The following UTY variants were observed in gnomAD, a reference collection of about 807,000 sequenced individuals.
UTY encodes the protein histone demethylase UTY.
In UTY, 12 loss-of-function variants were observed where a neutral mutation model predicts 32.5. The observed-to-expected ratio is 0.37, with a 90% CI of 0.24 to 0.60. UTY has a LOEUF of 0.60. Among genes scored for constraint, UTY ranks in the 20% least tolerant of loss-of-function variants. The pLI is 0.69. For missense variants in UTY, 303 were observed against 299.2 expected (o/e 1.01, Z -0.09); for synonymous variants, 131 against 103.4 (o/e 1.27, Z -1.62).
intron 21 of UTY, among the ~76,000 whole-genome samples, chrY:13,311,278 T>C: frequency 6.2e-5 from 2 of 32,257 alleles, no homozygotes; most frequent in African/African-American, 1.2e-4. Context: ...CCTACAACTG[T>C]TAATCTTCAA....
intron 20 of UTY, among the ~76,000 whole-genome samples, chrY:13,324,169 C>A: frequency 3.1e-5 from 1 of 32,160 alleles, no homozygotes; most frequent in Non-Finnish European, 7.6e-5. Flanking sequence ...AAAGATCAGA[C>A]AAAACCTGAC....
chrY:13,374,646 G>A, intron 8 of UTY, among the ~76,000 whole-genome samples: 1 of 33,125 alleles, frequency 3.0e-5, no homozygotes, highest in African/African-American at 1.2e-4. Flanking sequence ...TAATACTTAA[G>A]ACTCATCTTA....
chrY:13,402,033 T>C (rs2069191872), intron 6 of UTY, among the ~76,000 whole-genome samples: 1 of 33,576 alleles, frequency 3.0e-5, no homozygotes. Context: ...ACTTGGATGC[T>C]ACGGTAAAAT....
intron 27 of UTY, among the ~76,000 whole-genome samples, chrY:13,285,703 T>G (rs1014109280): frequency 4.7e-4 from 16 of 33,954 alleles, no homozygotes; most frequent in Non-Finnish European, 9.6e-4. Flanking sequence ...AACAACTAGA[T>G]AGGGTTTCCA....
At chrY:13,451,216 T>A in intron 3 of UTY, among the ~76,000 whole-genome samples, 1 of 33,495 alleles carries the variant, frequency 3.0e-5, no homozygotes, top group African/African-American at 1.2e-4. Context: ...ACATGTAGAT[T>A]TTTACAGTTA....
chrY:13,402,328 C>T, intron 6 of UTY, among the ~76,000 whole-genome samples: 1 of 33,231 alleles, frequency 3.0e-5, no homozygotes, highest in Non-Finnish European at 7.4e-5. Context: ...CTAGAGTCAC[C>T]CAATCCTCAA....
intron 4 of UTY, among the ~76,000 whole-genome samples, chrY:13,426,803 A>G (rs2073349590): frequency 3.0e-5 from 1 of 33,048 alleles, no homozygotes; most frequent in Non-Finnish European, 7.5e-5. Flanking sequence ...TTCAAATACC[A>G]AAACTGTCTT....
chrY:13,239,105 T>C, intron 28 of UTY, among the ~76,000 whole-genome samples: 3 of 33,096 alleles, frequency 9.1e-5, no homozygotes. Context: ...AGTTCATGAA[T>C]GAGAAGTATA....
chrY:13,249,117 T>A lies in UTY; in HGVS notation c.*739A>T, dbSNP rs2148332292. The A allele has an allele frequency of 2.5e-5, 1 of 39,260 alleles. No individual in the cohort carries two copies. The highest frequency in any genetic ancestry group is 6.1e-4 in the South Asian group (1 of 1,638). The allele number at this position is 39,260 out of a possible 400,897, so 9.8% of individuals were successfully genotyped here. On this transcript the variant is annotated 3_prime_UTR_variant, in exon 30 of 30. Coordinates refer to ENST00000545955, the MANE Select transcript of UTY (RefSeq NM_001258249.2). ...TTTTATCTACACATATAAAATGTAATAGGAGTAGTGTTTAAAACTACAGAA... is the reference window on the plus strand; with the variant it reads ...TTTTATCTACACATATAAAATGTAAAAGGAGTAGTGTTTAAAACTACAGAA...
At chrY:13,262,493 C>T in intron 27 of UTY, among the ~76,000 whole-genome samples, 1 of 31,856 alleles carries the variant, frequency 3.1e-5, no homozygotes, top group Admixed American at 2.9e-4. Flanking sequence ...AAGATAAAAT[C>T]CTTGGGGCTA....
chrY:13,301,465 C>A (rs2058370149), intron 25 of UTY, among the ~76,000 whole-genome samples: 2 of 33,243 alleles, frequency 6.0e-5, no homozygotes, highest in Non-Finnish European at 1.5e-4. Context: ...AAGAGGACTG[C>A]AAAGTTTTTG....
At chrY:13,436,029 TGAGGAAAG>T (rs2074519372) in intron 4 of UTY, among the ~76,000 whole-genome samples, 1 of 32,038 alleles carries the variant, frequency 3.1e-5, no homozygotes, top group Non-Finnish European at 7.7e-5. Flanking sequence ...ATGGGGGCGG[TGAGGAAAG>T]GACCTCACCA....
chrY:13,390,885 A>G (rs963870792), intron 8 of UTY, among the ~76,000 whole-genome samples: 1 of 33,797 alleles, frequency 3.0e-5, no homozygotes, highest in Non-Finnish European at 7.4e-5. Flanking sequence ...CGTAGTTGAC[A>G]GTCTTTCATT....
At chrY:13,438,168 G>A (rs2074834495) in intron 4 of UTY, among the ~76,000 whole-genome samples, 1 of 32,342 alleles carries the variant, frequency 3.1e-5, no homozygotes, top group Non-Finnish European at 7.5e-5. Flanking sequence ...GCTACAAAGG[G>A]GGTTAAGAAA....
At chrY:13,269,494 T>C in intron 27 of UTY, among the ~76,000 whole-genome samples, 2 of 31,014 alleles carry the variant, frequency 6.4e-5, no homozygotes, top group African/African-American at 1.3e-4. Flanking sequence ...TCAGCCCCCT[T>C]TCCAGGGGAT....
chrY:13,356,002 C>T lies in UTY; in HGVS notation c.1586G>A (p.Arg529Gln). ...PQKLQHLEQL[R>Q]ANRDNLNPAQ... ...TGGATTTAAATTATCTCTATTTGCTCGCAGTTGTTCCAAGTGCTAGAAGAA... is the reference window on the plus strand; with the variant it reads ...TGGATTTAAATTATCTCTATTTGCTTGCAGTTGTTCCAAGTGCTAGAAGAA... Residue 529 changes from arginine to glutamine, a missense_variant, in exon 16 of 30, where the codon CGA (arginine) becomes CAA (glutamine). By Grantham distance (43) the Arg-to-Gln change is conservative. Transcript: ENST00000545955. 4 of 383,842 alleles carry T rather than the reference C, an allele frequency of 1.0e-5. No homozygotes were observed. The highest frequency in any genetic ancestry group is 1.1e-5 in the Non-Finnish European group (3 of 276,367).
intron 3 of UTY, among the ~76,000 whole-genome samples, chrY:13,457,227 T>C: frequency 3.0e-5 from 1 of 33,565 alleles, no homozygotes; most frequent in African/African-American, 1.2e-4. Flanking sequence ...TAGTAAGCTC[T>C]TATGATACAA....
intron 25 of UTY, among the ~76,000 whole-genome samples, chrY:13,302,177 C>T (rs960038461): frequency 3.9e-4 from 13 of 33,023 alleles, no homozygotes; most frequent in African/African-American, 1.5e-3. Context: ...CTCTAAAAAA[C>T]AAATTCTGTG....
intron 7 of UTY, among the ~76,000 whole-genome samples, chrY:13,395,903 G>GT (rs1368341749): frequency 6.8e-3 from 81 of 11,944 alleles, no homozygotes; most frequent in East Asian, 0.014. Context: ...TCATCCTTCT[G>GT]TTTTTTTTTT....
Sources: allele counts gnomAD v4.1 joint callset (sites outside exome capture counted in the v4.1 genomes callset), GRCh38; gene constraint gnomAD v4.1.1; transcripts MANE v1.5; gene names NCBI Gene and HGNC (gene_info 2026-07-23, HGNC 2026-07-21).